Variants in TMTC4 observed in about 807,000 individuals in gnomAD.
The protein encoded by TMTC4 is transmembrane O-mannosyltransferase targeting cadherins 4.
A neutral mutation model predicts 86.0 loss-of-function variants in TMTC4; 65 were observed. The observed-to-expected ratio is 0.76, with a 90% CI of 0.62 to 0.93. The LOEUF (loss-of-function observed/expected upper bound fraction) is 0.93. Ranked by LOEUF, TMTC4 falls within the 40% of genes least tolerant of loss-of-function variation. The pLI, the probability that TMTC4 is intolerant of heterozygous loss-of-function variation, is 0.00. For synonymous variants in TMTC4, 379 were observed against 382.5 expected, an observed-to-expected ratio of 0.99 and a Z score of 0.11; for missense variants, 866 against 948.1, an observed-to-expected ratio of 0.91 and a Z score of 1.14.
At chr13:100,628,179 G>T (rs1351245305) in intron 12 of TMTC4, among the ~76,000 whole-genome samples, 2 of 152,120 alleles carry the variant, frequency 1.3e-5, no homozygotes, top group East Asian at 3.9e-4. Flanking sequence ...CTTTCATTTT[G>T]CAAATCTGAA....
chr13:100,626,293 G>A, intron 12 of TMTC4, 143 bp from the exon 13 acceptor site: 1 of 783,862 alleles, frequency 1.3e-6, no homozygotes, highest in Non-Finnish European at 2.1e-6. Flanking sequence ...AAACCCTACA[G>A]GGGTTAGGAG....
intron 17 of TMTC4, among the ~76,000 whole-genome samples, chr13:100,610,532 G>C (rs1326763806): frequency 6.6e-6 from 1 of 152,180 alleles, no homozygotes; most frequent in African/African-American, 2.4e-5. Context: ...CTGTGTTTCA[G>C]ATTTCACCTT....
At chr13:100,624,793 G>A (rs1880191388) in intron 15 of TMTC4, 1 of 152,134 alleles carries the variant, frequency 6.6e-6, no homozygotes, top group Non-Finnish European at 1.5e-5. Context: ...AATTAACAAT[G>A]TTTATTGAAT....
At chr13:100,626,380 C>T (rs1880549936) in intron 12 of TMTC4, among the ~76,000 whole-genome samples, 1 of 152,166 alleles carries the variant, frequency 6.6e-6, no homozygotes. Context: ...CTCTAAAGCA[C>T]AACAGAAGGG....
At chr13:100,630,136 C>T (rs1881158723) in intron 12 of TMTC4, among the ~76,000 whole-genome samples, 1 of 151,982 alleles carries the variant, frequency 6.6e-6, no homozygotes, top group Admixed American at 6.6e-5. Context: ...GTGGTTTAAA[C>T]ACATTCAAAT....
intron 15 of TMTC4, among the ~76,000 whole-genome samples, chr13:100,622,487 G>A (rs1378723902): frequency 6.6e-6 from 1 of 152,128 alleles, no homozygotes; most frequent in Non-Finnish European, 1.5e-5. Flanking sequence ...TGAATCATGG[G>A]GGTGGTTTCC....
chr13:100,648,980 T>C (rs1884090980), intron 6 of TMTC4, among the ~76,000 whole-genome samples: 1 of 152,236 alleles, frequency 6.6e-6, no homozygotes, highest in East Asian at 1.9e-4. Flanking sequence ...TGAGCCACTG[T>C]GCCCAGCTGC....
At chr13:100,630,359 G>A (rs756134778) in intron 12 of TMTC4, among the ~76,000 whole-genome samples, 3 of 152,142 alleles carry the variant, frequency 2.0e-5, no homozygotes, top group Non-Finnish European at 4.4e-5. Context: ...CTCACAAGCA[G>A]AGAAATTGCA....
At chr13:100,644,265 A>G (rs1425204693) in intron 6 of TMTC4, among the ~76,000 whole-genome samples, 2 of 151,812 alleles carry the variant, frequency 1.3e-5, no homozygotes, top group Admixed American at 1.3e-4. Flanking sequence ...CACCATGCCC[A>G]GCTAATTTTT....
At chr13:100,623,827 T>G (rs936139562) in intron 15 of TMTC4, 10 of 446,172 alleles carry the variant, frequency 2.2e-5, no homozygotes, top group Non-Finnish European at 4.5e-5. Context: ...CTTGCCTTTG[T>G]GCGGCCAAAA....
At chr13:100,631,676 A>C (rs1013444313) in intron 12 of TMTC4, among the ~76,000 whole-genome samples, 16 of 152,298 alleles carry the variant, frequency 1.1e-4, no homozygotes, top group Non-Finnish European at 2.1e-4. Flanking sequence ...TAGCTCACAC[A>C]TCTGGCCCTA....
intron 7 of TMTC4, among the ~76,000 whole-genome samples, chr13:100,640,646 C>T (rs1882886913): frequency 6.6e-6 from 1 of 152,138 alleles, no homozygotes; most frequent in South Asian, 2.1e-4. Context: ...CAGGGAGACC[C>T]CATCTCCACA....
At chr13:100,652,508 G>A (rs575889629) in intron 6 of TMTC4, among the ~76,000 whole-genome samples, 2 of 152,104 alleles carry the variant, frequency 1.3e-5, no homozygotes, top group African/African-American at 4.8e-5. Flanking sequence ...ACATGCGACT[G>A]TTTAAGATAT....
intron 1 of TMTC4, chr13:100,674,281 G>A (rs1887535100): frequency 2.0e-6 from 2 of 979,354 alleles, no homozygotes; most frequent in Non-Finnish European, 2.4e-6. Context: ...CAGGGCAGGC[G>A]GCCAAGCGGC....
intron 1 of TMTC4, chr13:100,674,432 C>A: frequency 1.1e-6 from 1 of 908,708 alleles, no homozygotes; most frequent in Non-Finnish European, 1.3e-6. Flanking sequence ...GCTGTGCAGG[C>A]AGGGGCTGGG....
Position 100,614,310 on chromosome 13 carries a change from C to T in TMTC4, c.1951+6G>A. 6.2e-7 allele frequency: 1 copy of T among 1,608,246 alleles called. No homozygotes were observed. Among genetic ancestry groups the T allele is most frequent in the Non-Finnish European group, 8.5e-7 (1 of 1,175,504 alleles). On this transcript the variant is annotated splice_donor_region_variant and intron_variant, in intron 16 of 18. Coordinates refer to ENST00000342624, the MANE Select transcript of TMTC4 (RefSeq NM_032813.5). ...CCTGTGATTTGTTCCATCCAGCTTT[C>T]TGTACCTGTATTGTCGAGGAGTATA...
intron 12 of TMTC4, among the ~76,000 whole-genome samples, chr13:100,632,189 G>A (rs1010570851): frequency 1.3e-5 from 2 of 151,844 alleles, no homozygotes; most frequent in Non-Finnish European, 2.9e-5. Flanking sequence ...AGATTTTTGG[G>A]TTCAGACATC....
Position 100,663,077 on chromosome 13 carries a change from C to A in TMTC4, c.439G>T (p.Val147Phe), listed in dbSNP as rs764968851. Residue 147 changes from valine (V) to phenylalanine (F), a missense_variant, in exon 5 of 19, where the codon GTT becomes TTT. Physicochemically the swap from Val to Phe is conservative, Grantham distance 50 (BLOSUM62 -1). Coordinates refer to ENST00000342624, the MANE Select transcript of TMTC4 (RefSeq NM_032813.5). The stretch of plus-strand genomic sequence containing the variant: ...GTGTACTGCAGGCCGCCAAACAGAA[C>A]CGAGAAGACGTCCACCATGAGGACA... ...ISVLMVDVFSVLFGGLQYTSK... is the reference protein window; with the variant it reads ...ISVLMVDVFSFLFGGLQYTSK... The A allele has an allele frequency of 1.2e-6, 2 of 1,614,096 alleles. No individual in the cohort carries two copies. Among genetic ancestry groups the A allele is most frequent in the African/African-American group, 2.7e-5 (2 of 74,924 alleles).
At chr13:100,663,681 C>T (rs1208670441) in intron 4 of TMTC4, among the ~76,000 whole-genome samples, 1 of 152,200 alleles carries the variant, frequency 6.6e-6, no homozygotes, top group East Asian at 1.9e-4. Flanking sequence ...TTCTCAGCTG[C>T]TGGTGGTTCC....
Sources: allele counts gnomAD v4.1 joint callset (sites outside exome capture counted in the v4.1 genomes callset), GRCh38; gene constraint gnomAD v4.1.1; transcripts MANE v1.5; gene names NCBI Gene and HGNC (gene_info 2026-07-23, HGNC 2026-07-21).